STK3: variants seen among roughly 807,000 people sequenced by gnomAD.
The protein encoded by STK3 is serine/threonine-protein kinase 3.
STK3 carries 41 observed loss-of-function variants against 58.0 expected under a neutral mutation model. The observed-to-expected ratio is 0.71, with a 90% CI of 0.55 to 0.92. STK3 has a LOEUF of 0.92. Among genes scored for constraint, STK3 ranks in the 40% least tolerant of loss-of-function variants. The pLI, the probability that STK3 is intolerant of heterozygous loss-of-function variation, is 0.00. For missense variants in STK3, 479 were observed against 602.7 expected (o/e 0.79, Z 2.15); for synonymous variants, 170 against 191.0 (o/e 0.89, Z 0.91).
chr8:98,892,435 C>T (rs903705254), intron 1 of STK3, among the ~76,000 whole-genome samples: 2 of 152,160 alleles, frequency 1.3e-5, no homozygotes, highest in Non-Finnish European at 2.9e-5. Flanking sequence ...TAGCTGGGTC[C>T]TCAAGGCCCT....
chr8:98,430,403 AAAG>A (rs1818310762), intron 3 of STK3: 1 of 167,094 alleles, frequency 6.0e-6, no homozygotes, highest in African/African-American at 2.4e-5. Context: ...CCTCAACTAA[AAAG>A]AAGTTTACTG....
chr8:98,650,841 T>G (rs1488208571), intron 6 of STK3, among the ~76,000 whole-genome samples: 1 of 152,108 alleles, frequency 6.6e-6, no homozygotes, highest in Non-Finnish European at 1.5e-5. Flanking sequence ...GCCAGGAAGC[T>G]CCAACTGGGT....
chr8:98,519,022 TTTG>T (rs1825157388), intron 10 of STK3, among the ~76,000 whole-genome samples: 2 of 152,152 alleles, frequency 1.3e-5, no homozygotes, highest in South Asian at 4.1e-4. Context: ...CTTTTCATAC[TTTG>T]TTAATACTCT....
intron 6 of STK3, chr8:98,598,711 A>T (rs1816045021): frequency 1.0e-6 from 1 of 985,276 alleles, no homozygotes. Flanking sequence ...AATCACAGGG[A>T]CACACATTAC....
At chr8:98,795,094 AAAAAAAAAAATAT>A (rs1833049485) in intron 1 of STK3, among the ~76,000 whole-genome samples, 1 of 65,566 alleles carries the variant, frequency 1.5e-5, no homozygotes, top group South Asian at 7.1e-4. Flanking sequence ...AAAAAAAAAA[AAAAAAAAAAATAT>A]ATATATATAT....
intron 10 of STK3, among the ~76,000 whole-genome samples, chr8:98,517,384 G>A (rs190505053): frequency 6.6e-6 from 1 of 152,102 alleles, no homozygotes; most frequent in Non-Finnish European, 1.5e-5. Flanking sequence ...TGAATGAGAG[G>A]TACTATGGAA....
chr8:98,531,799 A>G (rs1322950789), intron 9 of STK3, among the ~76,000 whole-genome samples: 3 of 152,178 alleles, frequency 2.0e-5, no homozygotes, highest in Non-Finnish European at 4.4e-5. Context: ...TTGCTGCTTC[A>G]CTTTGTACTT....
At chr8:98,901,990 C>T (rs1169257263) in intron 1 of STK3, among the ~76,000 whole-genome samples, 2 of 152,198 alleles carry the variant, frequency 1.3e-5, no homozygotes, top group Non-Finnish European at 2.9e-5. Context: ...ATGCTTTTTG[C>T]TGCCCAGGAA....
intron 6 of STK3, among the ~76,000 whole-genome samples, chr8:98,669,928 G>A (rs1441831543): frequency 6.6e-6 from 1 of 152,154 alleles, no homozygotes; most frequent in Non-Finnish European, 1.5e-5. Flanking sequence ...ATGTTCAGAA[G>A]GCTGTAGCTG....
chr8:98,654,362 C>A (rs906273206), intron 6 of STK3, among the ~76,000 whole-genome samples: 2 of 152,074 alleles, frequency 1.3e-5, no homozygotes, highest in African/African-American at 4.8e-5. Context: ...CTATGACAAA[C>A]CCACAGCCAA....
chr8:98,468,330 T>G (rs1820640326), intron 10 of STK3, among the ~76,000 whole-genome samples: 1 of 152,222 alleles, frequency 6.6e-6, no homozygotes, highest in African/African-American at 2.4e-5. Context: ...ATGGCATGGT[T>G]TGTGGCTGAA....
At chr8:98,892,395 T>A (rs1183154263) in intron 1 of STK3, among the ~76,000 whole-genome samples, 5 of 152,242 alleles carry the variant, frequency 3.3e-5, no homozygotes, top group Non-Finnish European at 7.3e-5. Flanking sequence ...GATGCAGATC[T>A]GATTATGACA....
At chr8:98,805,213 C>T (rs2131643979) in intron 1 of STK3, among the ~76,000 whole-genome samples, 1 of 152,314 alleles carries the variant, frequency 6.6e-6, no homozygotes, top group East Asian at 1.9e-4. Context: ...TTTCTGTTTC[C>T]TACAGCCTAG....
chr8:98,556,201 C>T (rs561814295), intron 8 of STK3, among the ~76,000 whole-genome samples: 5 of 152,144 alleles, frequency 3.3e-5, no homozygotes, highest in African/African-American at 9.6e-5. Context: ...ATCACTCACA[C>T]GCTCTAGGGG....
chr8:98,692,677 G>A (rs1824499678), intron 6 of STK3, among the ~76,000 whole-genome samples: 2 of 151,950 alleles, frequency 1.3e-5, no homozygotes, highest in African/African-American at 4.8e-5. Context: ...GTACTTTATG[G>A]CAATGAATTG....
At chr8:98,695,802 C>T (rs941583574) in intron 6 of STK3, among the ~76,000 whole-genome samples, 4 of 152,112 alleles carry the variant, frequency 2.6e-5, no homozygotes, top group Non-Finnish European at 5.9e-5. Flanking sequence ...TAGTGTGATG[C>T]CTCCAGCTTT....
intron 6 of STK3, among the ~76,000 whole-genome samples, chr8:98,686,139 A>G (rs1212320198): frequency 6.6e-6 from 1 of 152,218 alleles, no homozygotes; most frequent in Non-Finnish European, 1.5e-5. Context: ...CCAAAAGAAC[A>G]GTGAACATGT....
intron 1 of STK3, among the ~76,000 whole-genome samples, chr8:98,794,117 C>G (rs994946728): frequency 1.6e-4 from 25 of 152,140 alleles, no homozygotes; most frequent in African/African-American, 6.0e-4. Context: ...TCTATTATAT[C>G]TAGAGGAACT....
At chr8:98,555,352 CAAAT>C (rs1811511568) in intron 8 of STK3, among the ~76,000 whole-genome samples, 2 of 151,984 alleles carry the variant, frequency 1.3e-5, no homozygotes, top group Non-Finnish European at 2.9e-5. Context: ...TCACAAAAGA[CAAAT>C]ACTTTAGAAT....
Sources: allele counts gnomAD v4.1 joint callset (sites outside exome capture counted in the v4.1 genomes callset), GRCh38; gene constraint gnomAD v4.1.1; transcripts MANE v1.5; gene names NCBI Gene and HGNC (gene_info 2026-07-23, HGNC 2026-07-21).